Variants in CLMP observed in about 807,000 individuals in gnomAD.
CLMP encodes the protein CXADR-like membrane protein.
CLMP carries 27 observed loss-of-function variants against 45.2 expected under a neutral mutation model. The ratio of observed to expected loss-of-function variants is 0.60; its 90% CI spans 0.44 to 0.82. The LOEUF (loss-of-function observed/expected upper bound fraction) is 0.82. CLMP is among the 40% of genes least tolerant of loss of function. The pLI is 0.00. For missense variants in CLMP, 403 were observed against 448.4 expected (o/e 0.90, Z 0.91); for synonymous variants, 167 against 171.4 (o/e 0.97, Z 0.20).
intron 3 of CLMP, among the ~76,000 whole-genome samples, 158 bp from the exon 4 acceptor site, chr11:123,084,005 A>G (rs968081664): frequency 6.6e-6 from 1 of 152,158 alleles, no homozygotes; most frequent in Admixed American, 6.6e-5. Flanking sequence ...CACTACCCCC[A>G]CCAAAACATC....
chr11:123,074,702 C>T lies in CLMP; in HGVS notation c.821G>A (p.Arg274Gln), dbSNP rs587776965. 3 of 1,613,632 alleles carry T rather than the reference C, an allele frequency of 1.9e-6. No homozygotes were observed. The highest frequency in any genetic ancestry group is 1.3e-5 in the African/African-American group (1 of 74,844). The change falls in exon 6 of 7, where the codon CGA becomes CAA. Residue 274 changes from arginine to glutamine, a missense_variant and splice_region_variant. Coordinates refer to ENST00000448775, the MANE Select transcript of CLMP (RefSeq NM_024769.5). ...AAAAGTAGGGATGTGGGAGGTTTAC[C>T]GAATTTCATTAGGTCTCTCTTCTTC... ...YEEEERPNEIREDAEAPKARL... is the reference protein window; with the variant it reads ...YEEEERPNEIQEDAEAPKARL...
rs763671765 is a variant in CLMP at position 123,074,889 on chromosome 11, A to G, written c.680-46T>C. The G allele has an allele frequency of 2.5e-6, 4 of 1,593,298 alleles. No homozygotes were observed. In the Admixed American group the frequency reaches 5.3e-5, roughly 21 times the overall value. On this transcript the variant is annotated intron_variant, in intron 5 of 6. Transcript: ENST00000448775. ...GCACAAGTAAAACCAAACGTAAGCT[A>G]GGAAATATGTTATTAACTCAAAAAA...
At chr11:123,087,903 TTTTG>T (rs1865884128) in intron 2 of CLMP, among the ~76,000 whole-genome samples, 2 of 151,868 alleles carry the variant, frequency 1.3e-5, no homozygotes, top group East Asian at 3.9e-4. Context: ...GTAGGTTTCG[TTTTG>T]TTTCTTTTTT....
chr11:123,169,827 G>A (rs1861605402), intron 1 of CLMP, among the ~76,000 whole-genome samples: 1 of 152,160 alleles, frequency 6.6e-6, no homozygotes, highest in Non-Finnish European at 1.5e-5. Flanking sequence ...AGAGGAAGCC[G>A]GTGTTGGGGG....
At chr11:123,110,218 G>A (rs1435992669) in intron 1 of CLMP, among the ~76,000 whole-genome samples, 1 of 152,110 alleles carries the variant, frequency 6.6e-6, no homozygotes, top group African/African-American at 2.4e-5. Flanking sequence ...CACTTTGGGG[G>A]GCTGAGGTGG....
intron 1 of CLMP, among the ~76,000 whole-genome samples, chr11:123,132,551 T>C (rs12290670): frequency 0.093 from 14,055 of 151,922 alleles, 833 homozygotes; most frequent in South Asian, 0.18. Context: ...CTCCGCCTCT[T>C]GGGTTCAAGT....
intron 1 of CLMP, among the ~76,000 whole-genome samples, chr11:123,162,831 G>A (rs1375013306): frequency 2.6e-5 from 4 of 151,766 alleles, no homozygotes; most frequent in African/African-American, 9.7e-5. Context: ...GAGCCCGGGA[G>A]GCTCAAAAGC....
At chr11:123,130,936 G>A (rs533964214) in intron 1 of CLMP, among the ~76,000 whole-genome samples, 48 of 147,082 alleles carry the variant, frequency 3.3e-4, no homozygotes, top group Middle Eastern at 6.9e-3. Flanking sequence ...CCTGCCTCCC[G>A]GGTTCAAATG....
chr11:123,089,645 C>T (rs1390202684), intron 2 of CLMP, among the ~76,000 whole-genome samples: 2 of 151,400 alleles, frequency 1.3e-5, no homozygotes, highest in African/African-American at 2.4e-5. Flanking sequence ...GGTGTGGTGG[C>T]GGGCGCCCGT....
chr11:123,170,585 G>A (rs1363589108), intron 1 of CLMP, among the ~76,000 whole-genome samples: 6 of 151,916 alleles, frequency 3.9e-5, no homozygotes, highest in African/African-American at 7.3e-5. Flanking sequence ...TACTATACGC[G>A]CAGGCCACCA....
intron 1 of CLMP, among the ~76,000 whole-genome samples, chr11:123,161,534 G>A (rs549659970): frequency 6.6e-6 from 1 of 152,164 alleles, no homozygotes; most frequent in South Asian, 2.1e-4. Context: ...AATTAGCCAA[G>A]CATGGTGGCA....
intron 1 of CLMP, among the ~76,000 whole-genome samples, chr11:123,104,691 C>CT (rs1400406911): frequency 1.3e-5 from 2 of 152,102 alleles, no homozygotes; most frequent in African/African-American, 4.8e-5. Flanking sequence ...CGGCCTCTGT[C>CT]TTTAACTCCA....
At chr11:123,139,772 C>T (rs1012638956) in intron 1 of CLMP, among the ~76,000 whole-genome samples, 1 of 151,774 alleles carries the variant, frequency 6.6e-6, no homozygotes, top group South Asian at 2.1e-4. Context: ...GCCGAGATTG[C>T]GCTACTGCAC....
chr11:123,086,231 G>A (rs1483057674), intron 2 of CLMP, among the ~76,000 whole-genome samples: 1 of 152,184 alleles, frequency 6.6e-6, no homozygotes, highest in Non-Finnish European at 1.5e-5. Context: ...TTTGGTTCAA[G>A]TGATTTATAA....
chr11:123,175,810 A>G (rs1338448277), intron 1 of CLMP, among the ~76,000 whole-genome samples: 6 of 152,252 alleles, frequency 3.9e-5, no homozygotes, highest in Admixed American at 3.9e-4. Context: ...GATCCTGCAT[A>G]GAAAGAGCTC....
At chr11:123,112,004 G>A (rs534743108) in intron 1 of CLMP, among the ~76,000 whole-genome samples, 2 of 152,078 alleles carry the variant, frequency 1.3e-5, no homozygotes, top group African/African-American at 2.4e-5. Flanking sequence ...CCCCTGGCTC[G>A]GAAAAAAACT....
At chr11:123,129,626 T>C (rs903437591) in intron 1 of CLMP, among the ~76,000 whole-genome samples, 1 of 141,586 alleles carries the variant, frequency 7.1e-6, no homozygotes, top group Non-Finnish European at 1.5e-5. Flanking sequence ...TTATATAATA[T>C]AATATATATT....
In CLMP at chr11:123,073,354, C is replaced by T; in HGVS notation, c.*120G>A. The T allele has an allele frequency of 9.1e-7, 1 of 1,104,818 alleles. No individual in the cohort carries two copies. The highest frequency in any genetic ancestry group is 1.3e-6 in the Non-Finnish European group (1 of 763,696). The allele number at this position is 1,104,818 out of a possible 1,614,324, so 68.4% of individuals were successfully genotyped here. A position where few individuals can be genotyped will look rare whatever the true frequency, so the allele number is the denominator to read the frequency against. The stretch of plus-strand genomic sequence containing the variant: ...TCATCTGAATCTGTTCCGTGCAATG[C>T]TCACTGCTACTTAGATGACCTCTCA... On this transcript the variant is annotated 3_prime_UTR_variant, in exon 7 of 7. Transcript: ENST00000448775.
chr11:123,094,397 G>T (rs1027365270), intron 2 of CLMP, among the ~76,000 whole-genome samples: 1 of 152,022 alleles, frequency 6.6e-6, no homozygotes, highest in Non-Finnish European at 1.5e-5. Context: ...ATGAGCCACT[G>T]TGCCCGCCCG....
Sources: gnomAD v4.1 joint callset for allele counts (sites outside exome capture counted in the v4.1 genomes callset) on GRCh38, gnomAD v4.1.1 for gene constraint, MANE v1.5 for transcripts, NCBI Gene and HGNC (gene_info 2026-07-23, HGNC 2026-07-21) for gene names.